Variants in NRG1 observed in about 807,000 individuals in gnomAD.
NRG1 encodes the protein pro-neuregulin-1, membrane-bound isoform.
A neutral mutation model predicts 63.8 loss-of-function variants in NRG1; 18 were observed. The observed-to-expected ratio is 0.28, with a 90% CI of 0.19 to 0.42. NRG1 has a LOEUF of 0.42. NRG1 is among the 10% of genes least tolerant of loss of function. NRG1 has a pLI of 1.00. For synonymous variants in NRG1, 302 were observed against 301.3 expected (o/e 1.00, Z -0.02); for missense variants, 762 against 814.7 (o/e 0.94, Z 0.79).
chr8:31,747,391 C>T (rs1489281184), intron 1 of NRG1, among the ~76,000 whole-genome samples: 1 of 151,906 alleles, frequency 6.6e-6, no homozygotes, highest in Non-Finnish European at 1.5e-5. Flanking sequence ...TCTCCTATAC[C>T]ACTCTTGTCA....
At chr8:32,381,244 C>T (rs753924198) in intron 1 of NRG1, among the ~76,000 whole-genome samples, 1 of 152,152 alleles carries the variant, frequency 6.6e-6, no homozygotes, top group African/African-American at 2.4e-5. Context: ...AACACTCTTC[C>T]CTTGATCCTT....
intron 1 of NRG1, among the ~76,000 whole-genome samples, chr8:31,742,454 AATTTTTTT>A (rs1815380540): frequency 2.3e-5 from 1 of 43,264 alleles, no homozygotes; most frequent in African/African-American, 8.1e-5. Context: ...CTTTTTTAAG[AATTTTTTT>A]TTTTTTTTTT....
chr8:32,748,026 C>T (rs1827805048), intron 7 of NRG1, among the ~76,000 whole-genome samples: 1 of 151,872 alleles, frequency 6.6e-6, no homozygotes, highest in African/African-American at 2.4e-5. Context: ...ATTAACATGT[C>T]CAAAGTCACT....
intron 1 of NRG1, among the ~76,000 whole-genome samples, chr8:31,644,077 T>G (rs1017729583): frequency 6.6e-6 from 1 of 152,232 alleles, no homozygotes; most frequent in East Asian, 1.9e-4. Flanking sequence ...TGTGCTAACC[T>G]TATGGTGTTT....
intron 1 of NRG1, among the ~76,000 whole-genome samples, chr8:31,782,095 G>T (rs1169791748): frequency 6.6e-6 from 1 of 152,044 alleles, no homozygotes; most frequent in African/African-American, 2.4e-5. Context: ...GTGACTATTA[G>T]AACTTAAATG....
intron 1 of NRG1, among the ~76,000 whole-genome samples, chr8:32,146,760 A>G (rs894196411): frequency 6.6e-6 from 1 of 151,954 alleles, no homozygotes. Context: ...TTTTGTTGTA[A>G]TTGTTAATCT....
intron 1 of NRG1, among the ~76,000 whole-genome samples, chr8:31,654,227 G>C (rs936823180): frequency 1.3e-5 from 2 of 152,110 alleles, no homozygotes; most frequent in African/African-American, 2.4e-5. Flanking sequence ...CCTACTTCCT[G>C]TTAGCAAGAA....
chr8:32,627,422 G>A (rs1422913728), intron 5 of NRG1, among the ~76,000 whole-genome samples: 1 of 152,118 alleles, frequency 6.6e-6, no homozygotes, highest in Non-Finnish European at 1.5e-5. Flanking sequence ...TTACATATCC[G>A]AGGAGATACT....
chr8:32,410,520 T>C (rs1814761642), intron 1 of NRG1, among the ~76,000 whole-genome samples: 1 of 152,196 alleles, frequency 6.6e-6, no homozygotes, highest in African/African-American at 2.4e-5. Flanking sequence ...ACAAACTTTC[T>C]GGAGAACAAT....
chr8:31,802,527 C>T lies in NRG1; in HGVS notation c.37+163096C>T, dbSNP rs565796318. Among the ~76,000 whole-genome samples the T allele has an allele frequency of 4.6e-5, 7 of 152,216 alleles. No homozygotes were observed. In the South Asian group the frequency reaches 1.5e-3, roughly 32 times the overall value. ...AAAGGCACAGAAAAATGGTTGATAT[C>T]TAGTAGGAGTTATTTACATGCTGCT... On this transcript the variant is annotated intron_variant, in intron 1 of 10. Transcript: ENST00000519301.
chr8:32,222,700 C>T (rs1586191962), intron 1 of NRG1, among the ~76,000 whole-genome samples: 1 of 152,160 alleles, frequency 6.6e-6, no homozygotes, highest in African/African-American at 2.4e-5. Context: ...GCAACCATCA[C>T]ATGTGGCTCT....
At chr8:32,662,737 TTGAG>T (rs1803173352) in intron 5 of NRG1, among the ~76,000 whole-genome samples, 2 of 152,152 alleles carry the variant, frequency 1.3e-5, no homozygotes, top group South Asian at 4.1e-4. Flanking sequence ...GATATGGGAT[TTGAG>T]TGAGAGGAGT....
At chr8:32,596,399 T>G (rs2129537449) in intron 2 of NRG1, among the ~76,000 whole-genome samples, 1 of 151,908 alleles carries the variant, frequency 6.6e-6, no homozygotes, top group African/African-American at 2.4e-5. Flanking sequence ...AAGTCAGGAG[T>G]TCGAGACCAG....
At chr8:31,854,590 GTT>G (rs1293122249) in intron 1 of NRG1, among the ~76,000 whole-genome samples, 1 of 152,092 alleles carries the variant, frequency 6.6e-6, no homozygotes, top group East Asian at 1.9e-4. Flanking sequence ...TTTTTGAAGG[GTT>G]TTTTGTGTCT....
intron 1 of NRG1, among the ~76,000 whole-genome samples, chr8:31,817,442 C>T (rs1360170149): frequency 6.6e-6 from 1 of 152,178 alleles, no homozygotes; most frequent in African/African-American, 2.4e-5. Flanking sequence ...GACTTGAACC[C>T]ATTTGTGGGG....
intron 1 of NRG1, among the ~76,000 whole-genome samples, chr8:31,784,308 G>A (rs1819975708): frequency 6.6e-6 from 1 of 152,188 alleles, no homozygotes; most frequent in African/African-American, 2.4e-5. Context: ...GGAAATCATG[G>A]TGAAACTTAT....
chr8:31,850,382 A>G (rs1390883783), intron 1 of NRG1, among the ~76,000 whole-genome samples: 18 of 152,136 alleles, frequency 1.2e-4, no homozygotes, highest in Non-Finnish European at 2.6e-4. Context: ...CAGAGCACTT[A>G]GGTTCCCCCT....
At chr8:32,044,896 A>G (rs572840041) in intron 1 of NRG1, among the ~76,000 whole-genome samples, 3 of 141,494 alleles carry the variant, frequency 2.1e-5, no homozygotes, top group African/African-American at 7.7e-5. Context: ...CACCTTAAGA[A>G]CTTACATAAA....
chr8:31,877,441 A>T (rs948456099), intron 1 of NRG1, among the ~76,000 whole-genome samples: 2 of 151,060 alleles, frequency 1.3e-5, no homozygotes, highest in Non-Finnish European at 3.0e-5. Flanking sequence ...TCTTTTGGTT[A>T]TCTCTCTCTC....
Sources: allele counts gnomAD v4.1 joint callset (sites outside exome capture counted in the v4.1 genomes callset), GRCh38; gene constraint gnomAD v4.1.1; transcripts MANE v1.5; gene names NCBI Gene and HGNC (gene_info 2026-07-23, HGNC 2026-07-21).